The following SLC14A2 variants were observed in gnomAD, a reference collection of about 807,000 sequenced individuals.
The protein encoded by SLC14A2 is solute carrier family 14 member 2.
In SLC14A2, 91 loss-of-function variants were observed where a neutral mutation model predicts 104.6. The observed-to-expected ratio is 0.87, with a 90% CI of 0.73 to 1.04. The LOEUF (loss-of-function observed/expected upper bound fraction) is 1.04. Ranked by LOEUF, SLC14A2 falls within the 50% of genes least tolerant of loss-of-function variation. The pLI, the probability that SLC14A2 is intolerant of heterozygous loss-of-function variation, is 0.00. For synonymous variants in SLC14A2, 476 were observed against 466.4 expected, an observed-to-expected ratio of 1.02 and a Z score of -0.27; for missense variants, 1,189 against 1,156.0, an observed-to-expected ratio of 1.03 and a Z score of -0.41.
chr18:45,666,066 C>A, intron 11 of SLC14A2, 71 bp from the exon 12 acceptor site: 1 of 1,041,522 alleles, frequency 9.6e-7, no homozygotes, highest in Non-Finnish European at 1.5e-6. Context: ...TTGAGCCTTG[C>A]AGGACATTAG....
At chr18:45,277,143 C>T (rs141962489) in intron 1 of SLC14A2, among the ~76,000 whole-genome samples, 23 of 152,256 alleles carry the variant, frequency 1.5e-4, no homozygotes, top group African/African-American at 4.3e-4. Context: ...ATTTCCTTGG[C>T]GGATAAGAAA....
intron 2 of SLC14A2, among the ~76,000 whole-genome samples, chr18:45,541,844 G>T (rs184509372): frequency 2.1e-4 from 32 of 152,228 alleles, no homozygotes; most frequent in Admixed American, 1.9e-3. Context: ...AGATGGGCAG[G>T]TGTCAAGGAC....
At chr18:45,259,280 G>C (rs897399289) in intron 1 of SLC14A2, among the ~76,000 whole-genome samples, 2 of 152,128 alleles carry the variant, frequency 1.3e-5, no homozygotes. Flanking sequence ...TCCACTGTAG[G>C]GTCATAGAGG....
chr18:45,293,604 C>T (rs1044800045), intron 1 of SLC14A2, among the ~76,000 whole-genome samples: 14 of 150,906 alleles, frequency 9.3e-5, no homozygotes, highest in African/African-American at 3.4e-4. Context: ...TTAACTTTGT[C>T]CTATTCAGGC....
intron 1 of SLC14A2, among the ~76,000 whole-genome samples, chr18:45,401,765 G>T (rs1291026639): frequency 6.6e-6 from 1 of 152,176 alleles, no homozygotes; most frequent in African/African-American, 2.4e-5. Context: ...CAACTATGGT[G>T]GTGGCAGTAA....
At chr18:45,524,214 T>C (rs547707196) in intron 2 of SLC14A2, among the ~76,000 whole-genome samples, 1 of 152,260 alleles carries the variant, frequency 6.6e-6, no homozygotes, top group Admixed American at 6.5e-5. Flanking sequence ...GAGACTTGAC[T>C]GTTTACAGAC....
intron 1 of SLC14A2, among the ~76,000 whole-genome samples, chr18:45,261,977 C>T (rs1460536776): frequency 1.3e-5 from 2 of 152,144 alleles, no homozygotes; most frequent in South Asian, 2.1e-4. Context: ...CCTGAGGAAT[C>T]GCCCCACTGA....
chr18:45,667,611 CCTGGAGGTCACAT>C (rs1334469442), intron 13 of SLC14A2, among the ~76,000 whole-genome samples: 3 of 152,328 alleles, frequency 2.0e-5, no homozygotes, highest in African/African-American at 7.2e-5. Context: ...AGAAAAACAA[CCTGGAGGTCACAT>C]CTGGCTGGTG....
intron 2 of SLC14A2, chr18:45,492,146 A>C (rs1337172361): frequency 2.0e-5 from 3 of 152,184 alleles, no homozygotes; most frequent in African/African-American, 4.8e-5. Context: ...CACAAGAAGA[A>C]GTGAAGATGG....
At chr18:45,659,106 C>T (rs556740320) in intron 10 of SLC14A2, among the ~76,000 whole-genome samples, 2 of 152,284 alleles carry the variant, frequency 1.3e-5, no homozygotes, top group African/African-American at 2.4e-5. Context: ...AGCAGGTATG[C>T]CGAGGAGTTA....
At chr18:45,633,693 A>G (rs1468951786) in intron 5 of SLC14A2, among the ~76,000 whole-genome samples, 1 of 152,228 alleles carries the variant, frequency 6.6e-6, no homozygotes. Flanking sequence ...TAAATCAGAC[A>G]GGATGATTTA....
intron 1 of SLC14A2, among the ~76,000 whole-genome samples, chr18:45,283,612 G>A (rs935575301): frequency 4.6e-5 from 7 of 152,178 alleles, no homozygotes; most frequent in African/African-American, 1.7e-4. Context: ...ATTAAATCAG[G>A]TATACATAGC....
intron 1 of SLC14A2, among the ~76,000 whole-genome samples, chr18:45,467,283 C>G (rs188280728): frequency 2.3e-4 from 35 of 152,322 alleles, no homozygotes; most frequent in African/African-American, 7.9e-4. Flanking sequence ...GCTGGCCTCA[C>G]GAATAACTGG....
chr18:45,476,497 T>A (rs2087382981), intron 1 of SLC14A2, among the ~76,000 whole-genome samples: 1 of 152,202 alleles, frequency 6.6e-6, no homozygotes, highest in African/African-American at 2.4e-5. Context: ...TGTGGCATTT[T>A]CAGTATTTCC....
intron 1 of SLC14A2, among the ~76,000 whole-genome samples, chr18:45,291,693 C>G (rs2084870751): frequency 6.6e-6 from 1 of 152,130 alleles, no homozygotes; most frequent in Admixed American, 6.5e-5. Context: ...TAGGGATCTT[C>G]CCGTCTGCTT....
intron 1 of SLC14A2, among the ~76,000 whole-genome samples, chr18:45,416,799 C>T (rs914377978): frequency 6.6e-6 from 1 of 152,126 alleles, no homozygotes; most frequent in Admixed American, 6.5e-5. Context: ...CTCAAATTAC[C>T]TTTATAGGAC....
At chr18:45,672,254 G>T (rs2046152248) in intron 16 of SLC14A2, among the ~76,000 whole-genome samples, 2 of 152,112 alleles carry the variant, frequency 1.3e-5, no homozygotes, top group African/African-American at 4.8e-5. Context: ...TCATGGCCAG[G>T]CGTGGTGGCT....
intron 1 of SLC14A2, among the ~76,000 whole-genome samples, chr18:45,320,193 C>G (rs1456616340): frequency 6.6e-6 from 1 of 152,158 alleles, no homozygotes. Flanking sequence ...TCTCTTGTTT[C>G]CTGGACCTGT....
chr18:45,391,294 A>G (rs1015490470), intron 1 of SLC14A2, among the ~76,000 whole-genome samples: 1 of 152,284 alleles, frequency 6.6e-6, no homozygotes, highest in East Asian at 1.9e-4. Context: ...CATGGTGTAT[A>G]TGTGCCACAC....
Sources: allele counts gnomAD v4.1 joint callset (sites outside exome capture counted in the v4.1 genomes callset), GRCh38; gene constraint gnomAD v4.1.1; transcripts MANE v1.5; gene names NCBI Gene and HGNC (gene_info 2026-07-23, HGNC 2026-07-21).